RFX3: variants seen among roughly 807,000 people sequenced by gnomAD.
RFX3 encodes the protein transcription factor RFX3.
A neutral mutation model predicts 98.6 loss-of-function variants in RFX3; 14 were observed. The ratio of observed to expected loss-of-function variants is 0.14; its 90% CI spans 0.09 to 0.22. The LOEUF (loss-of-function observed/expected upper bound fraction) is 0.22, where lower values mean the gene tolerates loss of function less well. Among genes scored for constraint, RFX3 ranks in the 10% least tolerant of loss-of-function variants. The pLI is 1.00. For synonymous variants in RFX3, 383 were observed against 328.4 expected (o/e 1.17, Z -1.80); for missense variants, 639 against 926.9 (o/e 0.69, Z 4.03).
rs1043700727 is a variant in RFX3 at position 3,505,556 on chromosome 9, G to A, written c.-9+20191C>T. On this transcript the variant is annotated intron_variant, in intron 1 of 16. Coordinates refer to ENST00000617270, the MANE Select transcript of RFX3 (RefSeq NM_001282116.2). ...GGGGGTAAAGAGAAAGGCAGAAAGT[G>A]CTGTGTGAGGACAGATGTAAAAATT... Among the ~76,000 whole-genome samples the A allele has an allele frequency of 2.0e-5, 3 of 146,994 alleles. No individual in the cohort carries two copies. In the Admixed American group the frequency reaches 2.1e-4, roughly 10 times the overall value.
intron 16 of RFX3, among the ~76,000 whole-genome samples, chr9:3,228,094 C>T (rs1261200124): frequency 6.6e-6 from 1 of 152,146 alleles, no homozygotes; most frequent in East Asian, 1.9e-4. Context: ...AAAGAAAGGG[C>T]TCTGTTTCCT....
At chr9:3,256,080 G>C (rs537230) in intron 14 of RFX3, among the ~76,000 whole-genome samples, 149,800 of 152,218 alleles carry the variant, frequency 0.98, 73,753 homozygotes, top group Middle Eastern at 1. Flanking sequence ...CATTCTCCTG[G>C]CTTAGCTTCC....
intron 5 of RFX3, among the ~76,000 whole-genome samples, chr9:3,300,892 T>G (rs1195627996): frequency 6.6e-6 from 1 of 151,932 alleles, no homozygotes; most frequent in African/African-American, 2.4e-5. Flanking sequence ...ACCAGTGTCA[T>G]AGTGATATCT....
At chr9:3,411,631 A>G (rs1842474487) in intron 1 of RFX3, among the ~76,000 whole-genome samples, 1 of 149,304 alleles carries the variant, frequency 6.7e-6, no homozygotes, top group South Asian at 2.1e-4. Context: ...GTGTGACACC[A>G]CATCCAGCTA....
At chr9:3,312,443 G>C (rs750767024) in intron 4 of RFX3, among the ~76,000 whole-genome samples, 1 of 152,046 alleles carries the variant, frequency 6.6e-6, no homozygotes, top group Non-Finnish European at 1.5e-5. Flanking sequence ...CATCAATCAA[G>C]CTAAGGTTCC....
chr9:3,292,788 T>C (rs568844807), intron 6 of RFX3, among the ~76,000 whole-genome samples: 2 of 152,252 alleles, frequency 1.3e-5, no homozygotes, highest in Non-Finnish European at 1.5e-5. Flanking sequence ...TAAAGCACCA[T>C]ATGCAAATCT....
chr9:3,315,429 C>G (rs960942051), intron 4 of RFX3, among the ~76,000 whole-genome samples: 2 of 151,830 alleles, frequency 1.3e-5, no homozygotes, highest in African/African-American at 4.9e-5. Context: ...CAGGAAAGAT[C>G]TAAAATTGAC....
rs1410420165 is a variant in RFX3 at position 3,367,729 on chromosome 9, A to G, written c.118-20965T>C. Among the ~76,000 whole-genome samples, 3 of 152,338 alleles carry G rather than the reference A, an allele frequency of 2.0e-5. No homozygotes were observed. In the South Asian group the frequency reaches 6.2e-4, roughly 32 times the overall value. On this transcript the variant is annotated intron_variant, in intron 2 of 16. Transcript: ENST00000617270. ...TTGACATTCCCTAATTAAGAGTAACACACATAACAACCTAAATCCTTAATT... is the reference window on the plus strand; with the variant it reads ...TTGACATTCCCTAATTAAGAGTAACGCACATAACAACCTAAATCCTTAATT...
intron 1 of RFX3, among the ~76,000 whole-genome samples, chr9:3,458,086 T>A (rs1177287161): frequency 1.3e-5 from 2 of 152,156 alleles, no homozygotes; most frequent in African/African-American, 2.4e-5. Flanking sequence ...TGCAAAGCCA[T>A]GGCAATATAA....
chr9:3,333,353 G>A (rs1832807747), intron 3 of RFX3, among the ~76,000 whole-genome samples: 1 of 151,656 alleles, frequency 6.6e-6, no homozygotes, highest in African/African-American at 2.4e-5. Flanking sequence ...ACTGGGTAAA[G>A]AGCCCTTTCC....
In RFX3 at chr9:3,228,799, T is replaced by G. The variant is rs1304752361; in HGVS notation, c.2011+48A>C. The stretch of plus-strand genomic sequence containing the variant: ...TACCGTATTTTCCTCTGTAAGAACT[T>G]ATTAATAAATAAAAGTTCTTAAAAT... On this transcript the variant is annotated intron_variant, in intron 16 of 16. Coordinates refer to ENST00000617270, the MANE Select transcript of RFX3 (RefSeq NM_001282116.2). 4.0e-6 allele frequency: 6 copies of G among 1,494,016 alleles called. No homozygotes were observed. In the South Asian group the frequency reaches 7.1e-5, roughly 18 times the overall value. 92.5% of individuals were successfully genotyped at this position (1,494,016 alleles called of 1,614,324 possible).
chr9:3,358,107 T>A (rs185507510), intron 2 of RFX3, among the ~76,000 whole-genome samples: 1 of 152,088 alleles, frequency 6.6e-6, no homozygotes, highest in East Asian at 1.9e-4. Flanking sequence ...GATATTAGGG[T>A]CGTCAGTTAT....
chr9:3,505,142 T>A, intron 1 of RFX3, among the ~76,000 whole-genome samples: 1 of 99,106 alleles, frequency 1.0e-5, no homozygotes, highest in African/African-American at 4.2e-5. Context: ...TATTTATATA[T>A]TATATGAATA....
rs754019945 is a variant in RFX3 at position 3,489,405 on chromosome 9, A to C, written c.-9+36342T>G. On this transcript the variant is annotated intron_variant, in intron 1 of 16. Coordinates refer to ENST00000617270, the MANE Select transcript of RFX3 (RefSeq NM_001282116.2). Reference sequence around the variant, plus strand: ...GCAGTGGAAGGCCTGTCTTTAAAGTACTGTTTGTAGTGGAAGCAGAAGTTC... The same window carrying C: ...GCAGTGGAAGGCCTGTCTTTAAAGTCCTGTTTGTAGTGGAAGCAGAAGTTC... 1.6e-4 allele frequency: 156 copies of C among 984,906 alleles called. 1 individual carries two copies. The highest frequency in any genetic ancestry group is 1.7e-4 in the Non-Finnish European group (145 of 829,154). 61.0% of individuals were successfully genotyped at this position (984,906 alleles called of 1,614,324 possible).
intron 1 of RFX3, among the ~76,000 whole-genome samples, chr9:3,457,139 C>CAAA (rs1169959832): frequency 0.021 from 488 of 22,796 alleles, 38 homozygotes; most frequent in Middle Eastern, 0.091. Context: ...GACTCCATCT[C>CAAA]AAAAAAAAAA....
At position 3,366,749 on chromosome 9, in the gene RFX3, T is replaced by C. The variant is rs189150524; in HGVS notation, c.118-19985A>G. Among the ~76,000 whole-genome samples, 3 of 149,150 alleles carry C rather than the reference T, an allele frequency of 2.0e-5. No individual in the cohort carries two copies. In the East Asian group the frequency reaches 5.9e-4, roughly 29 times the overall value. On this transcript the variant is annotated intron_variant, in intron 2 of 16. Transcript: ENST00000617270. Reference sequence around the variant, plus strand: ...TTCTTTCTTTCTTTCTTTCTTTCTTTCTTTTTGGCTATTCTTATGTACATT... The same window carrying C: ...TTCTTTCTTTCTTTCTTTCTTTCTTCCTTTTTGGCTATTCTTATGTACATT...
intron 1 of RFX3, among the ~76,000 whole-genome samples, chr9:3,511,277 T>C (rs897668606): frequency 5.9e-5 from 9 of 152,100 alleles, no homozygotes; most frequent in African/African-American, 1.9e-4. Flanking sequence ...ATGCCATTAA[T>C]CACTATTTGT....
intron 1 of RFX3, among the ~76,000 whole-genome samples, chr9:3,402,906 A>C (rs1383013954): frequency 6.6e-6 from 1 of 151,862 alleles, no homozygotes; most frequent in Non-Finnish European, 1.5e-5. Context: ...TATTAAGATA[A>C]CTCTAACAAC....
intron 4 of RFX3, among the ~76,000 whole-genome samples, chr9:3,321,490 T>C (rs1831315513): frequency 6.6e-6 from 1 of 152,172 alleles, no homozygotes; most frequent in African/African-American, 2.4e-5. Flanking sequence ...GGTATTTCTT[T>C]GTAGTTTATT....
Sources: gnomAD v4.1 joint callset for allele counts (sites outside exome capture counted in the v4.1 genomes callset) on GRCh38, gnomAD v4.1.1 for gene constraint, MANE v1.5 for transcripts, NCBI Gene and HGNC (gene_info 2026-07-23, HGNC 2026-07-21) for gene names.